CREB5: variants seen among roughly 807,000 people sequenced by gnomAD.
CREB5 encodes cyclic AMP-responsive element-binding protein 5.
CREB5 carries 19 observed loss-of-function variants against 57.1 expected under a neutral mutation model. The observed-to-expected ratio is 0.33, with a 90% CI of 0.23 to 0.49. The LOEUF is 0.49. Among genes scored for constraint, CREB5 ranks in the 20% least tolerant of loss-of-function variants. CREB5 has a pLI of 0.99. For missense variants in CREB5, 579 were observed against 671.6 expected, an observed-to-expected ratio of 0.86 and a Z score of 1.52; for synonymous variants, 238 against 238.3, an observed-to-expected ratio of 1.00 and a Z score of 0.01.
intron 4 of CREB5, chr7:28,513,430 T>C (rs955563418): frequency 7.8e-6 from 1 of 128,476 alleles, no homozygotes; most frequent in African/African-American, 3.0e-5. Flanking sequence ...TAGATGAGGC[T>C]GCTTTTGATC....
intron 1 of CREB5, among the ~76,000 whole-genome samples, chr7:28,367,461 C>T (rs1198126142): frequency 5.9e-5 from 9 of 152,140 alleles, no homozygotes; most frequent in Non-Finnish European, 1.3e-4. Context: ...AGGAGTTATT[C>T]TTGATTTCTC....
intron 5 of CREB5, among the ~76,000 whole-genome samples, chr7:28,593,891 T>A (rs1431759695): frequency 6.6e-6 from 1 of 152,128 alleles, no homozygotes; most frequent in African/African-American, 2.4e-5. Context: ...AGAGTAAAAC[T>A]ATAGGAAGAA....
intron 1 of CREB5, among the ~76,000 whole-genome samples, chr7:28,413,519 T>G (rs1787896614): frequency 6.6e-6 from 1 of 152,172 alleles, no homozygotes; most frequent in Non-Finnish European, 1.5e-5. Context: ...AAATCCTTAC[T>G]GATTATAGTG....
intron 1 of CREB5, among the ~76,000 whole-genome samples, chr7:28,439,344 G>A (rs1789091222): frequency 6.6e-6 from 1 of 152,142 alleles, no homozygotes; most frequent in Non-Finnish European, 1.5e-5. Flanking sequence ...TTGTGAACCT[G>A]CTAGACTGAA....
At chr7:28,461,195 A>T (rs177586) in intron 1 of CREB5, among the ~76,000 whole-genome samples, 1 of 150,898 alleles carries the variant, frequency 6.6e-6, no homozygotes, top group South Asian at 2.1e-4. Flanking sequence ...GCGCCACTGC[A>T]TTCCAGCCTG....
In CREB5 at chr7:28,825,478, A is replaced by T. The variant is rs1340182011; in HGVS notation, c.*6199A>T. 1 of 152,664 alleles carries T rather than the reference A, an allele frequency of 6.6e-6. No individual in the cohort carries two copies. Among genetic ancestry groups the T allele is most frequent in the African/African-American group, 2.4e-5 (1 of 41,460 alleles). The allele number at this position is 152,664 out of a possible 1,614,324, so 9.5% of individuals were successfully genotyped here. A position where few individuals can be genotyped will look rare whatever the true frequency, so the allele number is the denominator to read the frequency against. The stretch of plus-strand genomic sequence containing the variant: ...TGGAATATAAATATTGTCCAAAAAT[A>T]TAATTAAAAGAAAAAAGTTTAGCAC... On this transcript the variant is annotated 3_prime_UTR_variant, in exon 11 of 11. Transcript: ENST00000357727.
intron 4 of CREB5, among the ~76,000 whole-genome samples, chr7:28,560,913 T>TGCGCGCGCGCGTGC (rs1491222075): frequency 2.3e-4 from 5 of 21,998 alleles, no homozygotes; most frequent in Non-Finnish European, 4.8e-4. Flanking sequence ...CGCGTGCGTG[T>TGCGCGCGCGCGTGC]GCGTGTGTGC....
chr7:28,560,923 C>CGCGT (rs1293937384), intron 4 of CREB5, among the ~76,000 whole-genome samples: 2 of 19,846 alleles, frequency 1.0e-4, no homozygotes, highest in East Asian at 1.0e-3. Flanking sequence ...TGCGTGTGTG[C>CGCGT]GCGTGCGTGT....
intron 5 of CREB5, among the ~76,000 whole-genome samples, chr7:28,611,489 TAAAAAAAAAA>T (rs59192497): frequency 5.0e-4 from 24 of 47,982 alleles, no homozygotes; most frequent in African/African-American, 1.9e-3. Flanking sequence ...CCATCTCTAC[TAAAAAAAAAA>T]AAAAAAAAAA....
chr7:28,373,781 T>C (rs1786764221), intron 1 of CREB5, among the ~76,000 whole-genome samples: 1 of 152,102 alleles, frequency 6.6e-6, no homozygotes, highest in African/African-American at 2.4e-5. Flanking sequence ...AATGAATGTA[T>C]TCCACATACG....
intron 4 of CREB5, among the ~76,000 whole-genome samples, chr7:28,567,782 C>G (rs1295067190): frequency 6.6e-6 from 1 of 152,142 alleles, no homozygotes; most frequent in Non-Finnish European, 1.5e-5. Context: ...TAGGAAATAT[C>G]TAGAATGTGG....
intron 7 of CREB5, among the ~76,000 whole-genome samples, chr7:28,748,779 G>A (rs761241414): frequency 6.6e-6 from 1 of 152,178 alleles, no homozygotes; most frequent in African/African-American, 2.4e-5. Context: ...AAGATGGTTT[G>A]TAGGTCTTGG....
At chr7:28,610,275 G>A (rs191002968) in intron 5 of CREB5, among the ~76,000 whole-genome samples, 3 of 152,222 alleles carry the variant, frequency 2.0e-5, no homozygotes, top group East Asian at 3.9e-4. Flanking sequence ...GAGGGAAGGC[G>A]GTGAAAGGTG....
intron 7 of CREB5, among the ~76,000 whole-genome samples, chr7:28,741,183 G>T (rs1804313647): frequency 6.6e-6 from 1 of 152,096 alleles, no homozygotes; most frequent in Non-Finnish European, 1.5e-5. Context: ...GCACTCATGG[G>T]TGGTGTTCCC....
intron 1 of CREB5, among the ~76,000 whole-genome samples, chr7:28,395,445 T>C (rs1370829628): frequency 2.0e-5 from 3 of 152,358 alleles, no homozygotes; most frequent in East Asian, 3.9e-4. Context: ...CTCACTGATC[T>C]TCCTGATGTT....
intron 7 of CREB5, among the ~76,000 whole-genome samples, chr7:28,742,845 C>T (rs975065836): frequency 1.3e-5 from 2 of 151,982 alleles, no homozygotes; most frequent in African/African-American, 4.8e-5. Context: ...TGCAATGGTG[C>T]GATCTTGGCT....
intron 1 of CREB5, among the ~76,000 whole-genome samples, chr7:28,356,556 A>G (rs1035587466): frequency 1.6e-4 from 24 of 152,328 alleles, no homozygotes; most frequent in African/African-American, 5.8e-4. Context: ...GAACGTGATA[A>G]CCTACCCTCA....
chr7:28,409,249 C>T (rs1787666201), upstream of CREB5: 1 of 151,572 alleles, frequency 6.6e-6, no homozygotes, highest in Non-Finnish European at 1.5e-5. The surrounding 1 kb of genome is among the most constrained non-coding windows in gnomAD (Gnocchi z 4.4). Context: ...GCCGGCCCCG[C>T]CCCTCGCTCC....
intron 1 of CREB5, among the ~76,000 whole-genome samples, chr7:28,341,124 G>T (rs984516541): frequency 1.3e-5 from 2 of 152,106 alleles, no homozygotes; most frequent in Non-Finnish European, 2.9e-5. Flanking sequence ...TCTTATGAAG[G>T]TGCTTTGTTG....
Sources: gnomAD v4.1 joint callset for allele counts (sites outside exome capture counted in the v4.1 genomes callset) on GRCh38, gnomAD v4.1.1 for gene constraint, Gnocchi (gnomAD v3.1) non-coding constraint, MANE v1.5 for transcripts, NCBI Gene and HGNC (gene_info 2026-07-23, HGNC 2026-07-21) for gene names.